Variants in NKAIN3 observed in about 807,000 individuals in gnomAD.
The protein encoded by NKAIN3 is sodium/potassium transporting ATPase interacting 3.
Under a neutral mutation model 30.2 loss-of-function variants are expected in NKAIN3, and 25 were observed. The observed-to-expected ratio is 0.83, with a 90% CI of 0.60 to 1.16. The LOEUF is 1.16. Ranked by LOEUF, NKAIN3 falls within the 50% of genes most tolerant of loss-of-function variation. NKAIN3 has a pLI of 0.00. For synonymous variants in NKAIN3, 91 were observed against 89.6 expected (o/e 1.02, Z -0.09); for missense variants, 225 against 254.1 (o/e 0.89, Z 0.78).
At chr8:62,312,537 G>A (rs1204722430) in intron 1 of NKAIN3, among the ~76,000 whole-genome samples, 2 of 150,524 alleles carry the variant, frequency 1.3e-5, no homozygotes, top group African/African-American at 5.0e-5. Flanking sequence ...GTGTGGTGGG[G>A]CCAGGTGCGA....
At chr8:62,435,024 A>T (rs764377859) in intron 1 of NKAIN3, among the ~76,000 whole-genome samples, 1 of 152,096 alleles carries the variant, frequency 6.6e-6, no homozygotes, top group Non-Finnish European at 1.5e-5. Flanking sequence ...GGATGGAGGG[A>T]TGGAAGATCA....
intron 3 of NKAIN3, among the ~76,000 whole-genome samples, chr8:62,743,224 G>T (rs898546344): frequency 6.6e-6 from 1 of 152,104 alleles, no homozygotes; most frequent in Non-Finnish European, 1.5e-5. Flanking sequence ...TGTATAAAAT[G>T]TTATTTTCTG....
At chr8:62,743,531 A>C (rs1447402437) in intron 3 of NKAIN3, among the ~76,000 whole-genome samples, 1 of 152,214 alleles carries the variant, frequency 6.6e-6, no homozygotes, top group East Asian at 1.9e-4. Context: ...GATTCAGGGA[A>C]AACTGTCTAT....
intron 4 of NKAIN3, among the ~76,000 whole-genome samples, chr8:62,808,151 A>G (rs1350546878): frequency 6.6e-6 from 1 of 152,104 alleles, no homozygotes; most frequent in Non-Finnish European, 1.5e-5. Context: ...AAATATTTTT[A>G]TAGCAGCTGA....
intron 1 of NKAIN3, among the ~76,000 whole-genome samples, chr8:62,268,936 AT>A (rs1051463084): frequency 3.9e-5 from 6 of 152,122 alleles, no homozygotes; most frequent in Non-Finnish European, 5.9e-5. Context: ...CTCTCTTAAC[AT>A]TTCTAAGTAC....
intron 1 of NKAIN3, among the ~76,000 whole-genome samples, chr8:62,514,432 A>G (rs1331772102): frequency 6.6e-6 from 1 of 152,208 alleles, no homozygotes; most frequent in Non-Finnish European, 1.5e-5. Flanking sequence ...CATCTTAGGA[A>G]GAGGGTAAAA....
At chr8:62,379,648 G>A (rs1006287581) in intron 1 of NKAIN3, among the ~76,000 whole-genome samples, 1 of 152,064 alleles carries the variant, frequency 6.6e-6, no homozygotes, top group African/African-American at 2.4e-5. Flanking sequence ...CTGCCATCCT[G>A]TAAAGAGGTG....
intron 1 of NKAIN3, among the ~76,000 whole-genome samples, chr8:62,421,097 C>T (rs770092913): frequency 6.6e-6 from 1 of 152,140 alleles, no homozygotes; most frequent in African/African-American, 2.4e-5. Flanking sequence ...GGATTATAAA[C>T]CAGAGCAGCC....
chr8:62,368,151 G>A (rs941864844), intron 1 of NKAIN3, among the ~76,000 whole-genome samples: 5 of 152,126 alleles, frequency 3.3e-5, no homozygotes, highest in African/African-American at 1.2e-4. Flanking sequence ...TCCCCCCAAG[G>A]AGATCTACAA....
rs187020262 is a variant in NKAIN3, at chr8:62,857,111, G to C, written c.472-61342G>C. The C allele has an allele frequency of 2.5e-3, 1,030 of 404,392 alleles. 1 individual carries two copies. Among genetic ancestry groups the C allele is most frequent in the Non-Finnish European group, 4.1e-3 (870 of 210,074 alleles). The allele number at this position is 404,392 out of a possible 1,614,324, so 25.1% of individuals were successfully genotyped here. ...TTGGCTACTTCTCACTTTGGTGTAGGGAAGTGACCAACTTGGACCAGAAAT... is the reference window on the plus strand; with the variant it reads ...TTGGCTACTTCTCACTTTGGTGTAGCGAAGTGACCAACTTGGACCAGAAAT... On this transcript the variant is annotated intron_variant, in intron 4 of 6. Coordinates refer to ENST00000623646, the MANE Select transcript of NKAIN3 (RefSeq NM_001304533.3).
chr8:62,720,778 A>T (rs1815064927), intron 3 of NKAIN3, among the ~76,000 whole-genome samples: 1 of 152,316 alleles, frequency 6.6e-6, no homozygotes, highest in Admixed American at 6.5e-5. Context: ...ATCCTGAACA[A>T]AGGAGAGGAG....
At chr8:62,352,027 A>G (rs1219820984) in intron 1 of NKAIN3, among the ~76,000 whole-genome samples, 2 of 152,162 alleles carry the variant, frequency 1.3e-5, no homozygotes, top group African/African-American at 4.8e-5. Flanking sequence ...CTGGTCAAAC[A>G]CCAAGTATGA....
At chr8:62,925,287 T>C (rs1016238993) in intron 5 of NKAIN3, among the ~76,000 whole-genome samples, 57 of 152,152 alleles carry the variant, frequency 3.7e-4, no homozygotes, top group African/African-American at 1.4e-3. Flanking sequence ...ACAAAATACA[T>C]AGTGGAGAAA....
At chr8:62,728,520 G>A (rs1443321459) in intron 3 of NKAIN3, among the ~76,000 whole-genome samples, 1 of 52,076 alleles carries the variant, frequency 1.9e-5, no homozygotes, top group African/African-American at 4.6e-5. Context: ...AAAATTAGCT[G>A]GGCATGGGTG....
intron 4 of NKAIN3, among the ~76,000 whole-genome samples, chr8:62,810,645 T>TTA (rs1554580466): frequency 6.6e-6 from 1 of 151,304 alleles, no homozygotes; most frequent in Non-Finnish European, 1.5e-5. Flanking sequence ...AAAGTTTTTT[T>TTA]TTTTTTTTTT....
intron 1 of NKAIN3, among the ~76,000 whole-genome samples, chr8:62,500,485 GAAGAAAA>G (rs1807407956): frequency 6.1e-5 from 8 of 130,838 alleles, no homozygotes; most frequent in African/African-American, 1.1e-4. Context: ...AAGAAAGAAA[GAAGAAAA>G]GAAAGAAAGA....
At chr8:62,571,197 G>T (rs1468378021) in intron 1 of NKAIN3, among the ~76,000 whole-genome samples, 1 of 147,132 alleles carries the variant, frequency 6.8e-6, no homozygotes, top group Non-Finnish European at 1.5e-5. Context: ...GTAAAGTGTT[G>T]CAATCTTGAC....
intron 4 of NKAIN3, among the ~76,000 whole-genome samples, chr8:62,813,622 T>C (rs890784975): frequency 3.3e-5 from 5 of 151,964 alleles, no homozygotes; most frequent in African/African-American, 9.7e-5. Flanking sequence ...TGTTGGTAGT[T>C]TTTTGGTTGT....
intron 5 of NKAIN3, chr8:62,990,192 A>G (rs531655327): frequency 6.6e-7 from 1 of 1,517,972 alleles, no homozygotes; most frequent in Non-Finnish European, 9.0e-7. Flanking sequence ...CAAGTATGCA[A>G]ACATCTTTTT....
Sources: gnomAD v4.1 joint callset for allele counts (sites outside exome capture counted in the v4.1 genomes callset) on GRCh38, gnomAD v4.1.1 for gene constraint, MANE v1.5 for transcripts, NCBI Gene and HGNC (gene_info 2026-07-23, HGNC 2026-07-21) for gene names.